SPON2: variants seen among roughly 807,000 people sequenced by gnomAD.
The protein encoded by SPON2 is spondin 2.
A neutral mutation model predicts 29.9 loss-of-function variants in SPON2; 32 were observed. The observed-to-expected ratio is 1.07, with a 90% CI of 0.81 to 1.44. The LOEUF (loss-of-function observed/expected upper bound fraction) is 1.44, where lower values mean the gene tolerates loss of function less well. SPON2 is among the 40% of genes most tolerant of loss of function. SPON2 has a pLI of 0.00. For synonymous variants in SPON2, 248 were observed against 209.1 expected, an observed-to-expected ratio of 1.19 and a Z score of -1.61; for missense variants, 541 against 455.5, an observed-to-expected ratio of 1.19 and a Z score of -1.71.
At chr4:1,197,668 A>C (rs537568709), upstream of SPON2, among the ~76,000 whole-genome samples, 1 of 148,512 alleles carries the variant, frequency 6.7e-6, no homozygotes, top group Non-Finnish European at 1.5e-5. Context: ...TAATGAGTAG[A>C]AAACAAATAA....
chr4:1,174,486 C>CAAAAAA (rs59532169), upstream of SPON2, among the ~76,000 whole-genome samples: 981 of 93,964 alleles, frequency 0.01, 4 homozygotes, highest in African/African-American at 0.015. Context: ...GACTCCATCT[C>CAAAAAA]AAAAAAAAAA....
At chr4:1,171,828 A>C in intron 2 of SPON2, 24 bp downstream of exon 2, 1 of 1,554,550 alleles carries the variant, frequency 6.4e-7, no homozygotes, top group Non-Finnish European at 8.9e-7. Flanking sequence ...GTGGAGCAGG[A>C]GGCGAGGAGG....
chr4:1,170,052 G>A (rs150110665), intron 5 of SPON2: 29 of 257,716 alleles, frequency 1.1e-4, no homozygotes, highest in African/African-American at 6.3e-4. Flanking sequence ...GCTGTCACCC[G>A]GTGGCCACAC....
chr4:1,172,072 C>G lies in SPON2; in HGVS notation c.-1G>C. The stretch of plus-strand genomic sequence containing the variant: ...CGGCGGCCGGGCTGGGGTTTTCCAT[C>G]ACCTGGGAGCACAGAGGGGAGCAGC... On this transcript the variant is annotated splice_region_variant and 5_prime_UTR_variant, in exon 2 of 6. Transcript: ENST00000290902. The G allele has an allele frequency of 6.2e-7, 1 of 1,610,306 alleles. No individual in the cohort carries two copies. Among genetic ancestry groups the G allele is most frequent in the Non-Finnish European group, 8.5e-7 (1 of 1,179,340 alleles).
At chr4:1,195,524 C>A (rs1387770811), upstream of SPON2, among the ~76,000 whole-genome samples, 2 of 151,996 alleles carry the variant, frequency 1.3e-5, no homozygotes, top group Non-Finnish European at 2.9e-5. Context: ...CGAGGTTGGG[C>A]GGATGGGGGC....
chr4:1,170,271 G>A (rs73067775), intron 5 of SPON2, 131 bp downstream of exon 5: 104,441 of 827,730 alleles, frequency 0.13, 7,991 homozygotes, highest in African/African-American at 0.31. Flanking sequence ...AAATCTTCTA[G>A]GCACCATCTT....
intron 1 of SPON2, among the ~76,000 whole-genome samples, chr4:1,182,537 T>C (rs1727716643): frequency 6.6e-6 from 1 of 152,152 alleles, no homozygotes. Flanking sequence ...TGGAAATTAT[T>C]GTCTGAGGAA....
At chr4:1,169,255 C>G (rs190147475) in intron 5 of SPON2, among the ~76,000 whole-genome samples, 1 of 152,092 alleles carries the variant, frequency 6.6e-6, no homozygotes, top group South Asian at 2.1e-4. Context: ...CCCGCCAGAC[C>G]AGTTGCACAC....
At chr4:1,181,285 GA>G (rs1321744418) in intron 1 of SPON2, among the ~76,000 whole-genome samples, 1 of 152,134 alleles carries the variant, frequency 6.6e-6, no homozygotes, top group Non-Finnish European at 1.5e-5. Context: ...GTTTATATCT[GA>G]AAAAATAAAG....
In SPON2 at chr4:1,171,216, C is replaced by T. The variant is rs546881200; in HGVS notation, c.445-26G>A. ...CTGCGGCGACAGCGGCTCAGCGCGC[C>T]TGGCCCCGGCCCCCCGGACCCCGCC... On this transcript the variant is annotated intron_variant, in intron 3 of 5. Transcript: ENST00000290902. 1.5e-5 allele frequency: 22 copies of T among 1,459,192 alleles called. No homozygotes were observed. In the African/African-American group the frequency reaches 3.3e-4, roughly 22 times the overall value. The allele number at this position is 1,459,192 out of a possible 1,614,324, so 90.4% of individuals were successfully genotyped here.
upstream of SPON2, among the ~76,000 whole-genome samples, chr4:1,197,565 G>A (rs1190610641): frequency 1.3e-5 from 2 of 152,176 alleles, no homozygotes; most frequent in South Asian, 2.1e-4. Flanking sequence ...AAAAATAAAC[G>A]AGAGGGACTT....
intron 1 of SPON2, among the ~76,000 whole-genome samples, chr4:1,187,350 T>C (rs1199134535): frequency 9.2e-5 from 14 of 152,158 alleles, no homozygotes; most frequent in Admixed American, 9.2e-4. Flanking sequence ...AGATTGGTGG[T>C]TGCCAGAAGC....
At chr4:1,179,978 GA>G (rs61014409) in intron 1 of SPON2, among the ~76,000 whole-genome samples, 8 of 144,854 alleles carry the variant, frequency 5.5e-5, no homozygotes, top group East Asian at 2.0e-4. Flanking sequence ...TAGACAAACT[GA>G]AAAAAAAAAG....
At chr4:1,183,750 A>C (rs1202493768) in intron 1 of SPON2, among the ~76,000 whole-genome samples, 1 of 152,242 alleles carries the variant, frequency 6.6e-6, no homozygotes, top group African/African-American at 2.4e-5. Context: ...AATTAGAGTT[A>C]TAACATTAGA....
In SPON2 at chr4:1,202,665, C is replaced by G. The variant is rs939981403; in HGVS notation, c.-234+5215G>C. Among the ~76,000 whole-genome samples, 3 of 152,136 alleles carry G rather than the reference C, an allele frequency of 2.0e-5. No homozygotes were observed. Among genetic ancestry groups the G allele is most frequent in the African/African-American group, 4.8e-5 (2 of 41,442 alleles). On this transcript the variant is annotated intron_variant, in intron 1 of 3. Transcript: ENST00000509233. The surrounding 1 kb of genome is among the most constrained non-coding windows in gnomAD (Gnocchi z 5.4). Reference sequence around the variant, plus strand: ...GCTGGTGGCCCTGCAGTCCTGGGGTCTCGGAGGCAGCCCCCACCTCAGCTC... The same window carrying G: ...GCTGGTGGCCCTGCAGTCCTGGGGTGTCGGAGGCAGCCCCCACCTCAGCTC...
At chr4:1,179,227 G>A (rs145520888) in intron 2 of SPON2, among the ~76,000 whole-genome samples, 15 of 96,432 alleles carry the variant, frequency 1.6e-4, no homozygotes, top group East Asian at 8.5e-4. Flanking sequence ...CCAGGCTCAC[G>A]GGAGGGCCAG....
chr4:1,189,064 C>T (rs1727855387), intron 1 of SPON2, among the ~76,000 whole-genome samples: 1 of 151,882 alleles, frequency 6.6e-6, no homozygotes, highest in South Asian at 2.1e-4. Context: ...GTTAATAAAA[C>T]ACTGAACTCC....
At chr4:1,176,818 GTTCA>G (rs943889124), upstream of SPON2, among the ~76,000 whole-genome samples, 16 of 152,186 alleles carry the variant, frequency 1.1e-4, no homozygotes, top group Non-Finnish European at 2.1e-4. Flanking sequence ...ATCATCCACA[GTTCA>G]TTCATTCATT....
At position 1,167,406 on chromosome 4, in the gene SPON2, A is replaced by G. The variant is rs1727273365; in HGVS notation, c.*66T>C. ...TGTGCCCTCGGCCGCCTGCAGCATG[A>G]GCCTGCACAGGAGCCCCCGACACCC... On this transcript the variant is annotated 3_prime_UTR_variant, in exon 6 of 6. Transcript: ENST00000290902. 1 of 1,517,436 alleles carries G rather than the reference A, an allele frequency of 6.6e-7. No individual in the cohort carries two copies. The highest frequency in any genetic ancestry group is 9.0e-7 in the Non-Finnish European group (1 of 1,117,272). The allele number at this position is 1,517,436 out of a possible 1,614,324, so 94.0% of individuals were successfully genotyped here. A position where few individuals can be genotyped will look rare whatever the true frequency, so the allele number is the denominator to read the frequency against.
Sources: allele counts gnomAD v4.1 joint callset (sites outside exome capture counted in the v4.1 genomes callset), GRCh38; gene constraint gnomAD v4.1.1; non-coding constraint Gnocchi (gnomAD v3.1); transcripts MANE v1.5; gene names NCBI Gene and HGNC (gene_info 2026-07-23, HGNC 2026-07-21).